ZNF235: variants seen among roughly 807,000 people sequenced by gnomAD.
ZNF235 encodes zinc finger protein 235, also known as zfp-93.
A neutral mutation model predicts 29.4 loss-of-function variants in ZNF235; 25 were observed. The ratio of observed to expected loss-of-function variants is 0.85; its 90% CI spans 0.62 to 1.19. The LOEUF (loss-of-function observed/expected upper bound fraction) is 1.19. Ranked by LOEUF, ZNF235 falls within the 50% of genes most tolerant of loss-of-function variation. The pLI, the probability that ZNF235 is intolerant of heterozygous loss-of-function variation, is 0.00. For synonymous variants in ZNF235, 300 were observed against 295.3 expected (o/e 1.02, Z -0.16); for missense variants, 788 against 885.0 (o/e 0.89, Z 1.39).
At chr19:44,292,454 G>A (rs570575124) in intron 4 of ZNF235, among the ~76,000 whole-genome samples, 347 of 151,278 alleles carry the variant, frequency 2.3e-3, no homozygotes, top group African/African-American at 7.6e-3. Context: ...ACAAAATACA[G>A]TTGAAAGCTT....
At position 44,305,005 on chromosome 19, in the gene ZNF235, T is replaced by A; in HGVS notation, c.-83A>T. On this transcript the variant is annotated 5_prime_UTR_variant, in exon 1 of 5. Transcript: ENST00000291182. ...AGATATCTCAGATCCGACCTCGCCT[T>A]CCTGGAGCGGAAGTGCCTCCGAGTG... 1.0e-6 allele frequency: 1 copy of A among 953,448 alleles called. No homozygotes were observed. Among genetic ancestry groups the A allele is most frequent in the East Asian group, 1.2e-4 (1 of 8,686 alleles). The allele number at this position is 953,448 out of a possible 1,614,324, so 59.1% of individuals were successfully genotyped here.
In ZNF235 at chr19:44,287,726, G is replaced by A; in HGVS notation, c.1709C>T (p.Pro570Leu). The A allele has an allele frequency of 6.2e-7, 1 of 1,613,952 alleles. No individual in the cohort carries two copies. Among genetic ancestry groups the A allele is most frequent in the Non-Finnish European group, 8.5e-7 (1 of 1,179,984 alleles). The change falls in exon 5 of 5, where the codon CCC (proline) becomes CTC (leucine). Residue 570 changes from proline (P) to leucine (L), a missense_variant. Physicochemically the swap from Pro to Leu is moderately conservative, Grantham distance 98. Coordinates refer to ENST00000291182, the MANE Select transcript of ZNF235 (RefSeq NM_004234.4). ...CTTACCACACTCTTCACATTTGTAGGGTTTCTCTCCGGTGTGGACTCTCTG... is the reference window on the plus strand; with the variant it reads ...CTTACCACACTCTTCACATTTGTAGAGTTTCTCTCCGGTGTGGACTCTCTG... ...NHQRVHTGEK[P>L]YKCEECGKGF...
At chr19:44,297,798 G>A (rs1975674603) in intron 4 of ZNF235, among the ~76,000 whole-genome samples, 1 of 152,094 alleles carries the variant, frequency 6.6e-6, no homozygotes. Context: ...CTCATGAAAT[G>A]ATTTCTGAGC....
chr19:44,300,262 C>T (rs1200781430), intron 2 of ZNF235, among the ~76,000 whole-genome samples: 1 of 152,138 alleles, frequency 6.6e-6, no homozygotes, highest in African/African-American at 2.4e-5. Context: ...GGACCTATAT[C>T]ATAGGGTCCT....
At chr19:44,304,858 C>T (rs1412195379) in intron 1 of ZNF235, 113 bp downstream of exon 1, 3 of 985,364 alleles carry the variant, frequency 3.0e-6, no homozygotes, top group Non-Finnish European at 3.6e-6. Flanking sequence ...CCAACCCCGC[C>T]CTCCAGCGCT....
intron 4 of ZNF235, among the ~76,000 whole-genome samples, chr19:44,298,467 C>G (rs1265289932): frequency 6.6e-6 from 1 of 151,850 alleles, no homozygotes; most frequent in Non-Finnish European, 1.5e-5. Context: ...CAGATCTCAG[C>G]TCACTGCAAC....
At chr19:44,294,376 C>G (rs142954484) in intron 4 of ZNF235, among the ~76,000 whole-genome samples, 1 of 152,088 alleles carries the variant, frequency 6.6e-6, no homozygotes, top group Non-Finnish European at 1.5e-5. Context: ...CAGGAGGAAA[C>G]AGAAATCCTA....
intron 2 of ZNF235, 74 bp downstream of exon 2, chr19:44,303,316 A>G (rs1308536527): frequency 1.3e-6 from 2 of 1,549,202 alleles, no homozygotes; most frequent in Non-Finnish European, 1.8e-6. Flanking sequence ...TACTGTTCCC[A>G]AACAGGAAAA....
chr19:44,303,273 AT>A, intron 2 of ZNF235, 116 bp downstream of exon 2: 1 of 940,274 alleles, frequency 1.1e-6, no homozygotes, highest in Non-Finnish European at 1.7e-6. Context: ...AACCTGGCAT[AT>A]AACAACATTC....
intron 4 of ZNF235, among the ~76,000 whole-genome samples, chr19:44,294,614 AAAAAG>A (rs1443561099): frequency 6.6e-6 from 1 of 152,120 alleles, no homozygotes. Context: ...GACACAACAA[AAAAAG>A]AAAACTACAG....
rs772050635 is a variant in ZNF235 at position 44,288,530 on chromosome 19, T to C, written c.905A>G (p.Tyr302Cys). Reference sequence around the variant, plus strand: ...TTGTTGAACAGGAATACCTGAGCTATAACTGGTGTCCTTCTCATGTGTACT... The same window carrying C: ...TTGTTGAACAGGAATACCTGAGCTACAACTGGTGTCCTTCTCATGTGTACT... ...ACSTHEKDTS[Y>C]SSGIPVQQSV... is the part of the protein sequence containing the mutation. Residue 302 changes from tyrosine (Y) to cysteine (C), a missense_variant, in exon 5 of 5, where the codon TAT (tyrosine) becomes TGT (cysteine). Coordinates refer to ENST00000291182, the MANE Select transcript of ZNF235 (RefSeq NM_004234.4). 6 of 1,614,014 alleles carry C rather than the reference T, an allele frequency of 3.7e-6. No homozygotes were observed. In the South Asian group the frequency reaches 5.5e-5, roughly 15 times the overall value.
intron 4 of ZNF235, among the ~76,000 whole-genome samples, chr19:44,296,684 T>C (rs909042115): frequency 2.0e-5 from 3 of 152,136 alleles, no homozygotes; most frequent in African/African-American, 7.2e-5. Flanking sequence ...CTCCACCCAA[T>C]AACAGCAGAA....
chr19:44,299,655 C>T lies in ZNF235; in HGVS notation c.93G>A (p.Lys31=), dbSNP rs1330596406. Residue 31 remains lysine, a synonymous_variant, in exon 3 of 5, where the codon AAG becomes AAA. Coordinates refer to ENST00000291182, the MANE Select transcript of ZNF235 (RefSeq NM_004234.4). ...ELGLLDSAQR[K]LYRDVMLENF... ...TCTCCAGCATCACATCTCGGTACAGCTTCCTCTGGGCAGAGTCCAGCAGCC... is the reference window on the plus strand; with the variant it reads ...TCTCCAGCATCACATCTCGGTACAGTTTCCTCTGGGCAGAGTCCAGCAGCC... 1 of 1,614,044 alleles carries T rather than the reference C, an allele frequency of 6.2e-7. No individual in the cohort carries two copies. The highest frequency in any genetic ancestry group is 1.3e-5 in the African/African-American group (1 of 74,910).
At chr19:44,301,529 G>A (rs1329290640) in intron 2 of ZNF235, among the ~76,000 whole-genome samples, 4 of 151,650 alleles carry the variant, frequency 2.6e-5, no homozygotes, top group Admixed American at 2.6e-4. Flanking sequence ...GGAGTGTAGT[G>A]GTGTGATCTT....
At position 44,288,216 on chromosome 19, in the gene ZNF235, C is replaced by A; in HGVS notation, c.1219G>T (p.Val407Leu). 1 of 1,614,098 alleles carries A rather than the reference C, an allele frequency of 6.2e-7. No homozygotes were observed. Among genetic ancestry groups the A allele is most frequent in the Non-Finnish European group, 8.5e-7 (1 of 1,180,018 alleles). ...HTGEKPYKCE[V>L]CGKGFTQRSH... Reference sequence around the variant, plus strand: ...CTCTGAGTGAAGCCCTTCCCACACACCTCACATTTATAAGGTTTCTCTCCA... The same window carrying A: ...CTCTGAGTGAAGCCCTTCCCACACAACTCACATTTATAAGGTTTCTCTCCA... The change falls in exon 5 of 5, where the codon GTG (valine) becomes TTG (leucine). Residue 407 changes from valine (V) to leucine (L), a missense_variant. Val to Leu is a conservative substitution (Grantham distance 32). Coordinates refer to ENST00000291182, the MANE Select transcript of ZNF235 (RefSeq NM_004234.4).
intron 4 of ZNF235, among the ~76,000 whole-genome samples, chr19:44,292,522 G>A (rs1382639152): frequency 6.6e-6 from 1 of 151,112 alleles, no homozygotes; most frequent in Admixed American, 6.6e-5. Context: ...CAGGTCTTTT[G>A]AATTAATCTA....
chr19:44,288,768 G>A lies in ZNF235; in HGVS notation c.667C>T (p.His223Tyr), dbSNP rs144958689. Residue 223 changes from histidine (H) to tyrosine (Y), a missense_variant, in exon 5 of 5, where the codon CAC (histidine) becomes TAC (tyrosine). Coordinates refer to ENST00000291182, the MANE Select transcript of ZNF235 (RefSeq NM_004234.4). ...YVDIFSCISHHHDDNIVHKRD... is the reference protein window; with the variant it reads ...YVDIFSCISHYHDDNIVHKRD... ...TTGTGCACTATATTATCATCATGGT[G>A]GTGTGAAATACAACTGAAAATGTCA... The A allele has an allele frequency of 9.9e-6, 16 of 1,613,706 alleles. No homozygotes were observed. The highest frequency in any genetic ancestry group is 1.2e-5 in the Non-Finnish European group (14 of 1,179,914).
intron 3 of ZNF235, among the ~76,000 whole-genome samples, chr19:44,299,153 C>T (rs146115707): frequency 1.6e-4 from 24 of 152,274 alleles, no homozygotes; most frequent in African/African-American, 5.8e-4. Flanking sequence ...ACATCCCTTA[C>T]GGCAAGCAGC....
chr19:44,303,538 C>T (rs1265698200), intron 1 of ZNF235, 86 bp from the exon 2 acceptor site: 2 of 1,228,638 alleles, frequency 1.6e-6, no homozygotes, highest in South Asian at 1.3e-5. Context: ...GAGAAAGGTC[C>T]CCCTGTCTCT....
Sources: allele counts gnomAD v4.1 joint callset (sites outside exome capture counted in the v4.1 genomes callset), GRCh38; gene constraint gnomAD v4.1.1; transcripts MANE v1.5; gene names NCBI Gene and HGNC (gene_info 2026-07-23, HGNC 2026-07-21).